FCHSD2: variants seen among roughly 807,000 people sequenced by gnomAD.
The protein encoded by FCHSD2 is F-BAR and double SH3 domains protein 2.
A neutral mutation model predicts 108.1 loss-of-function variants in FCHSD2; 38 were observed. The observed-to-expected ratio is 0.35, with a 90% CI of 0.27 to 0.46. The LOEUF (loss-of-function observed/expected upper bound fraction) is 0.46, where lower values mean the gene tolerates loss of function less well. FCHSD2 is among the 20% of genes least tolerant of loss of function. FCHSD2 has a pLI of 1.00. For synonymous variants in FCHSD2, 279 were observed against 314.7 expected, an observed-to-expected ratio of 0.89 and a Z score of 1.20; for missense variants, 751 against 897.8, an observed-to-expected ratio of 0.84 and a Z score of 2.09.
chr11:72,928,769 C>T (rs930768556), intron 8 of FCHSD2, among the ~76,000 whole-genome samples: 7 of 151,986 alleles, frequency 4.6e-5, no homozygotes, highest in South Asian at 2.1e-4. Context: ...ATGTGCACAA[C>T]GTGCAGGTTT....
At chr11:73,062,063 T>G (rs1409112257) in intron 3 of FCHSD2, among the ~76,000 whole-genome samples, 1 of 152,184 alleles carries the variant, frequency 6.6e-6, no homozygotes, top group East Asian at 1.9e-4. Flanking sequence ...AGGAGAGCTC[T>G]GACTGGCATC....
intron 13 of FCHSD2, 112 bp from the exon 14 acceptor site, chr11:72,850,001 C>A (rs1185162165): frequency 4.1e-6 from 3 of 734,174 alleles, no homozygotes; most frequent in Non-Finnish European, 6.7e-6. Context: ...CCTTTTAACT[C>A]TGCATAGAAA....
chr11:72,945,557 A>G (rs1376774178), intron 8 of FCHSD2, among the ~76,000 whole-genome samples: 6 of 152,218 alleles, frequency 3.9e-5, no homozygotes, highest in African/African-American at 1.4e-4. Flanking sequence ...ATGGGATCTA[A>G]TTAAACTAAA....
At chr11:73,060,529 A>G (rs1477837024) in intron 3 of FCHSD2, among the ~76,000 whole-genome samples, 1 of 152,222 alleles carries the variant, frequency 6.6e-6, no homozygotes, top group Non-Finnish European at 1.5e-5. Flanking sequence ...AATCAATAGT[A>G]TATCATACAA....
intron 13 of FCHSD2, among the ~76,000 whole-genome samples, chr11:72,850,628 C>A (rs983788252): frequency 1.4e-4 from 21 of 152,000 alleles, no homozygotes; most frequent in Non-Finnish European, 2.5e-4. Context: ...GCTGGGATTA[C>A]AGGTGTGAGC....
chr11:73,030,862 C>T (rs1378703861), intron 3 of FCHSD2, among the ~76,000 whole-genome samples: 2 of 152,028 alleles, frequency 1.3e-5, no homozygotes, highest in African/African-American at 4.8e-5. Context: ...AGCAAAAAAT[C>T]CTGAATACAA....
chr11:72,998,701 T>C (rs374572551), intron 5 of FCHSD2, among the ~76,000 whole-genome samples: 4 of 152,286 alleles, frequency 2.6e-5, no homozygotes, highest in African/African-American at 9.6e-5. Context: ...AAAAAATTGA[T>C]AATAAAAAAT....
chr11:72,900,473 G>C lies in FCHSD2; in HGVS notation c.924+2070C>G, dbSNP rs1855504940. 20 of 610,076 alleles carry C rather than the reference G, an allele frequency of 3.3e-5. 2 individuals are homozygous for C. In the Admixed American group the frequency reaches 5.4e-4, roughly 16 times the overall value. The allele number at this position is 610,076 out of a possible 1,614,324, so 37.8% of individuals were successfully genotyped here. A position where few individuals can be genotyped will look rare whatever the true frequency, so the allele number is the denominator to read the frequency against. The stretch of plus-strand genomic sequence containing the variant: ...CTGCAGTTGGGCTGGGAAAAAGTGA[G>C]ATGAGAGTCACTGTTATTCTGATTT... On this transcript the variant is annotated intron_variant, in intron 10 of 19. Coordinates refer to ENST00000409418, the MANE Select transcript of FCHSD2 (RefSeq NM_014824.3).
chr11:72,963,496 C>A (rs1227356645), intron 8 of FCHSD2, among the ~76,000 whole-genome samples: 1 of 152,184 alleles, frequency 6.6e-6, no homozygotes, highest in African/African-American at 2.4e-5. Context: ...CTCAAAAAAA[C>A]TTCTCTTCTT....
intron 5 of FCHSD2, among the ~76,000 whole-genome samples, chr11:72,998,415 G>A (rs144320130): frequency 8.5e-4 from 129 of 152,142 alleles, no homozygotes; most frequent in African/African-American, 3.0e-3. Flanking sequence ...GGTGGCACAC[G>A]CCTGTAATCC....
chr11:72,841,984 G>T (rs1260613309), intron 17 of FCHSD2, among the ~76,000 whole-genome samples: 1 of 152,228 alleles, frequency 6.6e-6, no homozygotes, highest in Non-Finnish European at 1.5e-5. Flanking sequence ...CAGGTTTTGT[G>T]CATGTTAGGC....
At chr11:73,127,284 T>G (rs976986225) in intron 2 of FCHSD2, among the ~76,000 whole-genome samples, 4 of 152,128 alleles carry the variant, frequency 2.6e-5, no homozygotes, top group African/African-American at 9.7e-5. Context: ...CCCACATGAA[T>G]GCCAAAAAGA....
At chr11:73,105,397 C>G (rs1168806332) in intron 2 of FCHSD2, among the ~76,000 whole-genome samples, 1 of 152,108 alleles carries the variant, frequency 6.6e-6, no homozygotes, top group African/African-American at 2.4e-5. Flanking sequence ...ATATAAGACA[C>G]CACCATGCCC....
intron 2 of FCHSD2, among the ~76,000 whole-genome samples, chr11:73,124,139 T>A (rs187975062): frequency 6.6e-6 from 1 of 152,234 alleles, no homozygotes; most frequent in Non-Finnish European, 1.5e-5. Context: ...AAACCATCAC[T>A]CTGAGCAAAC....
intron 8 of FCHSD2, among the ~76,000 whole-genome samples, chr11:72,975,261 T>C (rs561282060): frequency 1.1e-4 from 16 of 152,340 alleles, no homozygotes; most frequent in Admixed American, 4.6e-4. Context: ...CTATTGTGAA[T>C]AGTGCTATAA....
chr11:73,136,030 C>T (rs976236457), intron 2 of FCHSD2, among the ~76,000 whole-genome samples: 4 of 151,950 alleles, frequency 2.6e-5, no homozygotes, highest in East Asian at 1.9e-4. Flanking sequence ...CATGGTGGCA[C>T]GTGCCTATAG....
At chr11:72,889,966 G>C (rs771599320) in intron 10 of FCHSD2, 21 bp from the exon 11 acceptor site, 3 of 1,471,740 alleles carry the variant, frequency 2.0e-6, no homozygotes, top group Non-Finnish European at 1.9e-6. Context: ...AGAGAGAACA[G>C]AGATAAAAAT....
chr11:73,095,540 A>G (rs950463274), intron 2 of FCHSD2, among the ~76,000 whole-genome samples: 1 of 152,226 alleles, frequency 6.6e-6, no homozygotes, highest in Non-Finnish European at 1.5e-5. Context: ...GATCTCCAAT[A>G]AAACTAGGAA....
At chr11:72,931,464 C>A (rs919428756) in intron 8 of FCHSD2, among the ~76,000 whole-genome samples, 1 of 149,810 alleles carries the variant, frequency 6.7e-6, no homozygotes, top group Non-Finnish European at 1.5e-5. Flanking sequence ...AAAATAATTT[C>A]TAAGTTTTAA....
Sources: gnomAD v4.1 joint callset for allele counts (sites outside exome capture counted in the v4.1 genomes callset) on GRCh38, gnomAD v4.1.1 for gene constraint, MANE v1.5 for transcripts, NCBI Gene and HGNC (gene_info 2026-07-23, HGNC 2026-07-21) for gene names.